GRIA1: variants seen among roughly 807,000 people sequenced by gnomAD.
GRIA1 encodes the protein glutamate ionotropic receptor AMPA type subunit 1.
In GRIA1, 31 loss-of-function variants were observed where a neutral mutation model predicts 99.2. That is an observed-to-expected ratio of 0.31 (90% CI 0.23 to 0.42). The LOEUF (loss-of-function observed/expected upper bound fraction) is 0.42. Ranked by LOEUF, GRIA1 falls within the 10% of genes least tolerant of loss-of-function variation. The pLI is 1.00. For missense variants in GRIA1, 782 were observed against 1,157.5 expected (o/e 0.68, Z 4.71); for synonymous variants, 438 against 432.4 (o/e 1.01, Z -0.16).
Position 153,623,218 on chromosome 5 carries a change from T to C in GRIA1, c.221-23710T>C, listed in dbSNP as rs186389159. ...AATACTCGGTGAGCACTGGGCTCAA[T>C]TGGAAAAAAAAATGCCATGATTAAT... On this transcript the variant is annotated intron_variant, in intron 2 of 15. Coordinates refer to ENST00000285900, the MANE Select transcript of GRIA1 (RefSeq NM_000827.4). 7.0e-4 allele frequency among the ~76,000 whole-genome samples: 106 copies of C among 151,992 alleles called. 2 individuals carry two copies. The highest frequency in any genetic ancestry group is 2.5e-3 in the African/African-American group (102 of 41,502).
At chr5:153,742,707 C>T (rs918840810) in intron 11 of GRIA1, among the ~76,000 whole-genome samples, 1 of 152,210 alleles carries the variant, frequency 6.6e-6, no homozygotes, top group Non-Finnish European at 1.5e-5. Flanking sequence ...TTTTGCTCTT[C>T]TCCAAGCCAG....
intron 1 of GRIA1, among the ~76,000 whole-genome samples, chr5:153,491,706 A>T (rs759197438): frequency 6.6e-6 from 1 of 151,908 alleles, no homozygotes; most frequent in Non-Finnish European, 1.5e-5. Context: ...ACACACAAAC[A>T]CACACACGTA....
At chr5:153,519,483 T>C (rs1337137952) in intron 2 of GRIA1, among the ~76,000 whole-genome samples, 5 of 151,714 alleles carry the variant, frequency 3.3e-5, no homozygotes, top group African/African-American at 9.7e-5. Context: ...TGTAACTCAG[T>C]TCTCATCTTA....
intron 10 of GRIA1, among the ~76,000 whole-genome samples, chr5:153,701,637 A>AAAAAAAAAAAAAAAAG (rs1758533891): frequency 6.7e-6 from 1 of 149,260 alleles, no homozygotes. Flanking sequence ...AAAAAAAAAA[A>AAAAAAAAAAAAAAAAG]AAAAATACTA....
At chr5:153,749,351 AGGCTTACCCCT>A (rs1762364174) in intron 11 of GRIA1, among the ~76,000 whole-genome samples, 1 of 152,162 alleles carries the variant, frequency 6.6e-6, no homozygotes, top group South Asian at 2.1e-4. Flanking sequence ...GTTGCTATAA[AGGCTTACCCCT>A]GGCTGGGTAA....
At chr5:153,782,311 A>G (rs968290240) in intron 13 of GRIA1, among the ~76,000 whole-genome samples, 1 of 152,330 alleles carries the variant, frequency 6.6e-6, no homozygotes, top group Admixed American at 6.5e-5. Context: ...TTCAGAGTCT[A>G]TGCTCTTATC....
intron 2 of GRIA1, among the ~76,000 whole-genome samples, chr5:153,638,958 G>A (rs1053250629): frequency 2.4e-4 from 37 of 152,330 alleles, no homozygotes; most frequent in African/African-American, 8.7e-4. Flanking sequence ...CAGGAGGCCT[G>A]TGCAGGCTGG....
At chr5:153,588,971 T>G (rs1763730697) in intron 2 of GRIA1, among the ~76,000 whole-genome samples, 1 of 152,176 alleles carries the variant, frequency 6.6e-6, no homozygotes, top group Non-Finnish European at 1.5e-5. Flanking sequence ...CTTGGATGGA[T>G]GAATAAATAA....
intron 13 of GRIA1, among the ~76,000 whole-genome samples, chr5:153,786,775 C>T (rs1326838870): frequency 6.6e-6 from 1 of 152,170 alleles, no homozygotes; most frequent in East Asian, 1.9e-4. Flanking sequence ...ACATGGGGAG[C>T]ATTGCAGAGC....
At chr5:153,682,629 T>C (rs545052480) in intron 7 of GRIA1, among the ~76,000 whole-genome samples, 1 of 152,228 alleles carries the variant, frequency 6.6e-6, no homozygotes, top group Admixed American at 6.5e-5. Context: ...AGAATTCCTC[T>C]TAACCCCGAT....
chr5:153,770,134 C>T, intron 12 of GRIA1, 34 bp from the exon 13 acceptor site: 2 of 1,609,120 alleles, frequency 1.2e-6, no homozygotes, highest in African/African-American at 1.3e-5. Flanking sequence ...ATTCCAAGCG[C>T]ACTTAATTCC....
At chr5:153,750,550 T>C (rs1200476557) in intron 11 of GRIA1, among the ~76,000 whole-genome samples, 2 of 152,030 alleles carry the variant, frequency 1.3e-5, no homozygotes, top group East Asian at 1.9e-4. Flanking sequence ...GATCAAGAGT[T>C]GATTGCTGCT....
In GRIA1 at chr5:153,813,512, G is replaced by A. The variant is rs1217693607; in HGVS notation, c.*2287G>A. 6.6e-6 allele frequency: 1 copy of A among 152,160 alleles called. No homozygotes were observed. Among genetic ancestry groups the A allele is most frequent in the African/African-American group, 2.4e-5 (1 of 41,428 alleles). 9.4% of individuals were successfully genotyped at this position (152,160 alleles called of 1,614,324 possible). ...CGAAATGTGCTTTTTCATCAATGGA[G>A]AAATGAAAGGAAAACACAAGCAAGA... On this transcript the variant is annotated 3_prime_UTR_variant, in exon 16 of 16. Coordinates refer to ENST00000285900, the MANE Select transcript of GRIA1 (RefSeq NM_000827.4).
rs1300019080 is a variant in GRIA1, at chr5:153,764,741, C to G, written c.2022+109C>G. ...AGATAACAGGCAGCCAGAGCAAGTG[C>G]TTAACTGACTGTAAGTCAGGGAAAC... is the stretch of plus-strand genomic sequence containing the variant. On this transcript the variant is annotated intron_variant, in intron 12 of 15. Transcript: ENST00000285900. 3 of 745,142 alleles carry G rather than the reference C, an allele frequency of 4.0e-6. No homozygotes were observed. The African/African-American group carries it at 5.2e-5, about 13-fold the overall frequency. 46.2% of individuals were successfully genotyped at this position (745,142 alleles called of 1,614,324 possible). A position where few individuals can be genotyped will look rare whatever the true frequency, so the allele number is the denominator to read the frequency against.
intron 2 of GRIA1, among the ~76,000 whole-genome samples, chr5:153,599,398 C>T (rs1360703986): frequency 6.6e-6 from 1 of 151,902 alleles, no homozygotes; most frequent in African/African-American, 2.4e-5. Flanking sequence ...TTAGACAGTA[C>T]AGCAATCCCT....
chr5:153,720,347 G>A (rs1258620223), intron 11 of GRIA1, among the ~76,000 whole-genome samples: 1 of 152,146 alleles, frequency 6.6e-6, no homozygotes, highest in Non-Finnish European at 1.5e-5. Flanking sequence ...ATAAGCCTTG[G>A]AGGCAAATGA....
intron 2 of GRIA1, among the ~76,000 whole-genome samples, chr5:153,621,013 C>A (rs1766989684): frequency 6.6e-6 from 1 of 152,180 alleles, no homozygotes. Context: ...TCTTCACAGG[C>A]AACAATTAAT....
At chr5:153,609,247 C>A (rs6864226) in intron 2 of GRIA1, among the ~76,000 whole-genome samples, 1 of 152,034 alleles carries the variant, frequency 6.6e-6, no homozygotes, top group Admixed American at 6.5e-5. Context: ...ATCCTTAGAT[C>A]CCAGCCCTGC....
chr5:153,699,187 T>G, intron 10 of GRIA1, 114 bp downstream of exon 10: 1 of 736,424 alleles, frequency 1.4e-6, no homozygotes, highest in South Asian at 1.5e-5. Flanking sequence ...TGTAATTGAG[T>G]GTTGTTGCTG....
Sources: allele counts gnomAD v4.1 joint callset (sites outside exome capture counted in the v4.1 genomes callset), GRCh38; gene constraint gnomAD v4.1.1; transcripts MANE v1.5; gene names NCBI Gene and HGNC (gene_info 2026-07-23, HGNC 2026-07-21).